Variants in IGLL5 observed in about 807,000 individuals in gnomAD.
The protein encoded by IGLL5 is immunoglobulin lambda like polypeptide 5, also known as immunoglobulin lambda-like polypeptide 5.
Under a neutral mutation model 20.9 loss-of-function variants are expected in IGLL5, and 30 were observed. That is an observed-to-expected ratio of 1.44 (90% CI 1.07 to 1.95). The LOEUF (loss-of-function observed/expected upper bound fraction) is 1.95, where lower values mean the gene tolerates loss of function less well. IGLL5 is among the 30% of genes most tolerant of loss of function. The pLI is 0.00. For missense variants in IGLL5, 475 were observed against 270.7 expected, an observed-to-expected ratio of 1.75 and a Z score of -5.30; for synonymous variants, 203 against 117.3, an observed-to-expected ratio of 1.73 and a Z score of -4.72.
chr22:22,889,578 T>C (rs553407434), intron 1 of IGLL5, among the ~76,000 whole-genome samples: 3 of 151,138 alleles, frequency 2.0e-5, no homozygotes, highest in Admixed American at 6.6e-5. Context: ...AACACAATTG[T>C]ATTTGGGGGA....
rs755327361 is a variant in IGLL5 at position 22,895,405 on chromosome 22, T to A, written c.356T>A (p.Leu119Gln). The change falls in exon 3 of 3, where the codon CTG becomes CAG. Residue 119 changes from leucine to glutamine, a missense_variant. By Grantham distance (113) the Leu-to-Gln change is moderately radical. Coordinates refer to ENST00000526893, the MANE Select transcript of IGLL5 (RefSeq NM_001178126.2). ...GQPKANPTVT[L>Q]FPPSSEELQA... ...CCCAAGGCCAACCCCACTGTCACTC[T>A]GTTCCCGCCCTCCTCTGAGGAGCTC... The A allele has an allele frequency of 3.1e-6, 5 of 1,612,856 alleles. No individual in the cohort carries two copies. In the Admixed American group the frequency reaches 5.0e-5, roughly 16 times the overall value.
intron 1 of IGLL5, among the ~76,000 whole-genome samples, chr22:22,888,588 G>T (rs1268862495): frequency 6.6e-6 from 1 of 151,254 alleles, no homozygotes; most frequent in East Asian, 2.0e-4. Flanking sequence ...ATCCACAGGG[G>T]GTGGTGGCCA....
At chr22:22,888,788 G>T (rs538047632) in intron 1 of IGLL5, among the ~76,000 whole-genome samples, 1 of 151,458 alleles carries the variant, frequency 6.6e-6, no homozygotes, top group African/African-American at 2.4e-5. Context: ...ACACAGGGAG[G>T]GTGGGATGAA....
rs144256495 is a variant in IGLL5 at position 22,892,671 on chromosome 22, G to T, written c.207-1029G>T. Among the ~76,000 whole-genome samples the T allele has an allele frequency of 9.4e-3, 1,420 of 150,978 alleles. 12 individuals are homozygous for T. The highest frequency in any genetic ancestry group is 0.015 in the Non-Finnish European group (1,018 of 67,834). ...CTACAGGGCATCCAAGCAGACATAG[G>T]TTGAGGAGGCAGAATATATGTGAAT... On this transcript the variant is annotated intron_variant, in intron 1 of 2. Coordinates refer to ENST00000526893, the MANE Select transcript of IGLL5 (RefSeq NM_001178126.2).
chr22:22,894,300 T>C (rs1034736992), intron 2 of IGLL5, among the ~76,000 whole-genome samples: 6 of 151,060 alleles, frequency 4.0e-5, no homozygotes, highest in East Asian at 2.1e-4. Context: ...CACGGCCTGG[T>C]GACACAGAGG....
At chr22:22,894,013 C>T (rs1005569729) in intron 2 of IGLL5, among the ~76,000 whole-genome samples, 195 bp downstream of exon 2, 1 of 151,462 alleles carries the variant, frequency 6.6e-6, no homozygotes, top group Non-Finnish European at 1.5e-5. Flanking sequence ...TGGGAGCAGC[C>T]GGATGCAGCC....
intron 1 of IGLL5, among the ~76,000 whole-genome samples, chr22:22,889,932 A>G (rs2067763887): frequency 6.6e-6 from 1 of 151,110 alleles, no homozygotes; most frequent in African/African-American, 2.4e-5. Flanking sequence ...ATTTTCAAAA[A>G]CCTGTCAGAA....
intron 1 of IGLL5, among the ~76,000 whole-genome samples, chr22:22,891,499 T>TA (rs2067846175): frequency 6.6e-6 from 1 of 151,220 alleles, no homozygotes; most frequent in Admixed American, 6.6e-5. Flanking sequence ...TTTCTCAAAA[T>TA]AGTCATGTCT....
At chr22:22,890,700 T>A (rs976061501) in intron 1 of IGLL5, among the ~76,000 whole-genome samples, 1 of 150,610 alleles carries the variant, frequency 6.6e-6, no homozygotes. Flanking sequence ...ATAGGTAGTG[T>A]TTCCAAAAGT....
chr22:22,894,593 A>T (rs1249397295), intron 2 of IGLL5, among the ~76,000 whole-genome samples: 3 of 151,298 alleles, frequency 2.0e-5, no homozygotes, highest in Admixed American at 1.3e-4. Flanking sequence ...GACTCAGGAA[A>T]TGACCAGAGG....
Position 22,895,387 on chromosome 22 carries a change from C to A in IGLL5, c.338C>A (p.Ala113Asp), listed in dbSNP as rs766561318. 1 of 1,612,854 alleles carries A rather than the reference C, an allele frequency of 6.2e-7. No individual in the cohort carries two copies. Among genetic ancestry groups the A allele is most frequent in the Non-Finnish European group, 8.5e-7 (1 of 1,179,504 alleles). Residue 113 changes from alanine (A) to aspartate (D), a missense_variant, in exon 3 of 3, where the codon GCC (alanine) becomes GAC (aspartate). Transcript: ENST00000526893. The part of the protein sequence containing the change: ...TKVTVLGQPK[A>D]NPTVTLFPPS... ...CCTGTCCACACAGGTCAGCCCAAGG[C>A]CAACCCCACTGTCACTCTGTTCCCG...
In IGLL5 at chr22:22,891,916, T is replaced by A. The variant is rs2298845; in HGVS notation, c.207-1784T>A. ...TCAGCTGATTCTCCGTGTGTGTGTG[T>A]GTGTTTGTGTGTTTAGTTAACTATC... On this transcript the variant is annotated intron_variant, in intron 1 of 2. Coordinates refer to ENST00000526893, the MANE Select transcript of IGLL5 (RefSeq NM_001178126.2). 2.1e-4 allele frequency among the ~76,000 whole-genome samples: 32 copies of A among 151,288 alleles called. 1 individual carries two copies. The East Asian group carries it at 6.5e-3, about 31-fold the overall frequency.
At chr22:22,890,501 G>A (rs2067803181) in intron 1 of IGLL5, among the ~76,000 whole-genome samples, 1 of 144,992 alleles carries the variant, frequency 6.9e-6, no homozygotes, top group Non-Finnish European at 1.5e-5. Context: ...AGATGAGCCA[G>A]AATTTATTTC....
rs2066755074 is a variant in IGLL5 at position 22,895,769 on chromosome 22, A to G, written c.*75A>G. The G allele has an allele frequency of 7.3e-7, 1 of 1,372,592 alleles. No individual in the cohort carries two copies. The highest frequency in any genetic ancestry group is 1.0e-6 in the Non-Finnish European group (1 of 961,690). 85.0% of individuals were successfully genotyped at this position (1,372,592 alleles called of 1,614,324 possible). ...GGGGAGGGGTCTCTCTCCCCATCCCAAGTCATCCAGCCCTTCTCCCTGCAC... is the reference window on the plus strand; with the variant it reads ...GGGGAGGGGTCTCTCTCCCCATCCCGAGTCATCCAGCCCTTCTCCCTGCAC... On this transcript the variant is annotated 3_prime_UTR_variant, in exon 3 of 3. Coordinates refer to ENST00000526893, the MANE Select transcript of IGLL5 (RefSeq NM_001178126.2).
rs532756355 is a variant in IGLL5 at position 22,895,300 on chromosome 22, T to G, written c.326-75T>G. On this transcript the variant is annotated intron_variant, in intron 2 of 2. Coordinates refer to ENST00000526893, the MANE Select transcript of IGLL5 (RefSeq NM_001178126.2). ...CACACTGTGAACCCTCCCAGAGACT[T>G]TAGACAGAGAGAGGGGCTCCACAAC... The G allele has an allele frequency of 3.6e-6, 5 of 1,389,892 alleles. No homozygotes were observed. The South Asian group carries it at 3.7e-5, about 10-fold the overall frequency. 86.1% of individuals were successfully genotyped at this position (1,389,892 alleles called of 1,614,324 possible).
chr22:22,888,639 C>G (rs1601602694), intron 1 of IGLL5, among the ~76,000 whole-genome samples: 2 of 151,284 alleles, frequency 1.3e-5, no homozygotes, highest in African/African-American at 2.4e-5. Flanking sequence ...TCCCCCTCCT[C>G]CTCTCTGCCC....
At chr22:22,894,280 GGGA>G (rs2068010836) in intron 2 of IGLL5, among the ~76,000 whole-genome samples, 1 of 151,164 alleles carries the variant, frequency 6.6e-6, no homozygotes, top group African/African-American at 2.4e-5. Flanking sequence ...AATCCAGCCT[GGGA>G]GGGCCACACG....
chr22:22,891,618 G>A (rs765709517), intron 1 of IGLL5, among the ~76,000 whole-genome samples: 1 of 151,328 alleles, frequency 6.6e-6, no homozygotes, highest in South Asian at 2.1e-4. Context: ...TTTGAGAACT[G>A]CTATCTTTAT....
intron 1 of IGLL5, among the ~76,000 whole-genome samples, chr22:22,890,014 A>T: frequency 6.6e-6 from 1 of 150,822 alleles, no homozygotes; most frequent in East Asian, 2.0e-4. Flanking sequence ...TGGCTTTATA[A>T]TTTTCTGGTT....
Sources: allele counts gnomAD v4.1 joint callset (sites outside exome capture counted in the v4.1 genomes callset), GRCh38; gene constraint gnomAD v4.1.1; transcripts MANE v1.5; gene names NCBI Gene and HGNC (gene_info 2026-07-23, HGNC 2026-07-21).